The following CDK8 variants were observed in gnomAD, a reference collection of about 807,000 sequenced individuals.
CDK8 encodes cyclin dependent kinase 8.
Under a neutral mutation model 71.5 loss-of-function variants are expected in CDK8, and 29 were observed. The observed-to-expected ratio is 0.41, with a 90% CI of 0.30 to 0.55. CDK8 has a LOEUF of 0.55. Ranked by LOEUF, CDK8 falls within the 20% of genes least tolerant of loss-of-function variation. The pLI is 0.37. For synonymous variants in CDK8, 161 were observed against 192.1 expected (o/e 0.84, Z 1.34); for missense variants, 288 against 572.6 (o/e 0.50, Z 5.07).
chr13:26,341,529 C>T (rs1873239977), intron 2 of CDK8, among the ~76,000 whole-genome samples: 2 of 152,112 alleles, frequency 1.3e-5, no homozygotes, highest in South Asian at 4.2e-4. Context: ...TATTTTTTTA[C>T]AGTGATTTCA....
intron 1 of CDK8, among the ~76,000 whole-genome samples, chr13:26,297,665 C>T (rs1873621118): frequency 6.6e-6 from 1 of 152,106 alleles, no homozygotes; most frequent in Non-Finnish European, 1.5e-5. Context: ...TCTCTGTTTT[C>T]CAAAAGGCCA....
At chr13:26,353,166 C>A (rs1158170531) in intron 3 of CDK8, among the ~76,000 whole-genome samples, 1 of 152,168 alleles carries the variant, frequency 6.6e-6, no homozygotes, top group Non-Finnish European at 1.5e-5. Context: ...TACTGGATGT[C>A]TAACAACATT....
rs112232796 is a variant in CDK8, at chr13:26,380,671, G to T, written c.457-2143G>T. 3.9e-3 allele frequency among the ~76,000 whole-genome samples: 587 copies of T among 152,182 alleles called. 7 individuals carry two copies. Among genetic ancestry groups the T allele is most frequent in the African/African-American group, 0.012 (516 of 41,526 alleles). On this transcript the variant is annotated intron_variant, in intron 4 of 12. Transcript: ENST00000381527. ...AAAAAAAATTTTTTTTGTTGAGGTG[G>T]GGTTCTACTGTGTTGCCCAGGCTGG...
intron 1 of CDK8, among the ~76,000 whole-genome samples, chr13:26,323,416 C>G (rs1874883267): frequency 6.6e-6 from 1 of 151,374 alleles, no homozygotes; most frequent in Admixed American, 6.6e-5. Flanking sequence ...TATAATGGCA[C>G]TAATCTCATC....
rs2137999242 is a variant in CDK8, at chr13:26,353,757, C to T, written c.333C>T (p.His111=). ...EHDLWHIIKF[H]RASKANKKPV... Reference sequence around the variant, plus strand: ...TCTTTCAGCATATAATCAAGTTTCACAGAGCTTCTAAAGCAAACAAGAAGC... The same window carrying T: ...TCTTTCAGCATATAATCAAGTTTCATAGAGCTTCTAAAGCAAACAAGAAGC... The change falls in exon 4 of 13, where the codon CAC becomes CAT. Residue 111 remains histidine, a synonymous_variant. Coordinates refer to ENST00000381527, the MANE Select transcript of CDK8 (RefSeq NM_001260.3). The T allele has an allele frequency of 6.2e-7, 1 of 1,611,824 alleles. No homozygotes were observed. Among genetic ancestry groups the T allele is most frequent in the East Asian group, 2.2e-5 (1 of 44,772 alleles).
intron 1 of CDK8, among the ~76,000 whole-genome samples, chr13:26,331,857 G>A (rs1872776030): frequency 6.6e-6 from 1 of 152,118 alleles, no homozygotes; most frequent in Non-Finnish European, 1.5e-5. Flanking sequence ...GAATGGCATT[G>A]GTATTTTGAC....
chr13:26,403,196 G>A (rs1409375250), intron 12 of CDK8, among the ~76,000 whole-genome samples: 1 of 152,080 alleles, frequency 6.6e-6, no homozygotes, highest in Non-Finnish European at 1.5e-5. Flanking sequence ...ATATAAACTT[G>A]TAGCAGAAAA....
At chr13:26,348,756 C>T (rs540557576) in intron 2 of CDK8, among the ~76,000 whole-genome samples, 4 of 152,132 alleles carry the variant, frequency 2.6e-5, no homozygotes, top group African/African-American at 9.6e-5. Context: ...TATAGGATGC[C>T]ACTGAATTGT....
intron 1 of CDK8, among the ~76,000 whole-genome samples, chr13:26,282,837 G>A (rs139699068): frequency 6.7e-6 from 1 of 150,068 alleles, no homozygotes; most frequent in Non-Finnish European, 1.5e-5. Context: ...AACACATAAG[G>A]ACTCACATAA....
chr13:26,311,608 A>G (rs571161607), intron 1 of CDK8, among the ~76,000 whole-genome samples: 142 of 152,320 alleles, frequency 9.3e-4, no homozygotes, highest in African/African-American at 3.3e-3. Context: ...TCCAGAGAAC[A>G]AGTCTTTCTC....
At chr13:26,332,631 A>G (rs570709468) in intron 1 of CDK8, among the ~76,000 whole-genome samples, 156 of 152,258 alleles carry the variant, frequency 1.0e-3, no homozygotes, top group African/African-American at 3.4e-3. Flanking sequence ...AGAGTGGTGA[A>G]AGTGAGCATC....
chr13:26,302,644 T>G (rs1324059056), intron 1 of CDK8, among the ~76,000 whole-genome samples: 1 of 152,152 alleles, frequency 6.6e-6, no homozygotes, highest in Non-Finnish European at 1.5e-5. Flanking sequence ...GGAGAGTAGA[T>G]TAGATGGACA....
intron 1 of CDK8, among the ~76,000 whole-genome samples, chr13:26,265,372 A>C (rs1566463083): frequency 6.6e-6 from 1 of 152,194 alleles, no homozygotes; most frequent in African/African-American, 2.4e-5. Flanking sequence ...GAAGTACCTA[A>C]TCTGCCCTTG....
At chr13:26,260,002 G>T (rs1871702704) in intron 1 of CDK8, among the ~76,000 whole-genome samples, 1 of 152,152 alleles carries the variant, frequency 6.6e-6, no homozygotes, top group Non-Finnish European at 1.5e-5. Context: ...TTTAGGAAAA[G>T]CTTCAAAGTT....
In CDK8 at chr13:26,353,859, C is replaced by A; in HGVS notation, c.435C>A (p.Asn145Lys). 1 of 1,613,340 alleles carries A rather than the reference C, an allele frequency of 6.2e-7. No individual in the cohort carries two copies. The highest frequency in any genetic ancestry group is 8.5e-7 in the Non-Finnish European group (1 of 1,179,436). Residue 145 changes from asparagine (N) to lysine (K), a missense_variant, in exon 4 of 13, where the codon AAC becomes AAA. This residue lies in a region of CDK8 where 95 missense variants were observed against 177.3 expected (regional missense o/e 0.54). Coordinates refer to ENST00000381527, the MANE Select transcript of CDK8 (RefSeq NM_001260.3). ...ATGGTATTCACTACCTGCATGCTAA[C>A]TGGGTGTTGCACAGAGATTTGGTAA... ...ILDGIHYLHA[N>K]WVLHRDLKPA...
At chr13:26,260,376 A>G (rs936122269) in intron 1 of CDK8, among the ~76,000 whole-genome samples, 6 of 152,166 alleles carry the variant, frequency 3.9e-5, no homozygotes, top group Non-Finnish European at 8.8e-5. Flanking sequence ...CCATTCAAGA[A>G]AAGCAGCCTC....
chr13:26,323,353 G>A (rs1018713702), intron 1 of CDK8, among the ~76,000 whole-genome samples: 9 of 150,400 alleles, frequency 6.0e-5, no homozygotes, highest in African/African-American at 2.2e-4. Context: ...GAGGGAGAGG[G>A]AGAGGGAGAG....
chr13:26,368,493 A>G (rs1034364435), intron 4 of CDK8, among the ~76,000 whole-genome samples: 3 of 152,224 alleles, frequency 2.0e-5, no homozygotes, highest in African/African-American at 7.2e-5. Flanking sequence ...CCACTAAGAA[A>G]GAAAACATGC....
intron 4 of CDK8, among the ~76,000 whole-genome samples, chr13:26,371,777 A>C (rs1412145759): frequency 2.0e-5 from 3 of 152,094 alleles, no homozygotes; most frequent in East Asian, 1.9e-4. Flanking sequence ...CACCATGCCC[A>C]GCTAATTTTT....
Sources: allele counts gnomAD v4.1 joint callset (sites outside exome capture counted in the v4.1 genomes callset), GRCh38; gene constraint gnomAD v4.1.1; regional missense constraint gnomAD v4.1.1; transcripts MANE v1.5; gene names NCBI Gene and HGNC (gene_info 2026-07-23, HGNC 2026-07-21).